ZMYND8: variants seen among roughly 807,000 people sequenced by gnomAD.
The protein encoded by ZMYND8 is zinc finger MYND-type containing 8, also known as MYND-type zinc finger-containing chromatin reader ZMYND8.
In ZMYND8, 37 loss-of-function variants were observed where a neutral mutation model predicts 140.8. The ratio of observed to expected loss-of-function variants is 0.26; its 90% CI spans 0.20 to 0.35. The LOEUF (loss-of-function observed/expected upper bound fraction) is 0.35, where lower values mean the gene tolerates loss of function less well. Among genes scored for constraint, ZMYND8 ranks in the 10% least tolerant of loss-of-function variants. The probability of loss-of-function intolerance (pLI) is 1.00; values close to 1 mark genes in which losing one functional copy is unlikely to be tolerated. For missense variants in ZMYND8, 1,068 were observed against 1,570.0 expected, an observed-to-expected ratio of 0.68 and a Z score of 5.40; for synonymous variants, 592 against 597.1, an observed-to-expected ratio of 0.99 and a Z score of 0.12.
rs774699036 is a variant in ZMYND8, at chr20:47,238,933, A to C, written c.2490T>G (p.Thr830=). The change falls in exon 15 of 23, where the codon ACT becomes ACG. Residue 830 remains threonine (T), a synonymous_variant. Transcript: ENST00000471951. ...ACACGACCCGCTGCACGGCCGGGGC[A>C]GTCTCCTTCGGTAAAAGCGGCCTCT... ...KKQRPLLPKE[T]APAVQRVVWN... is the part of the protein sequence containing the mutation. 1.1e-5 allele frequency: 18 copies of C among 1,613,938 alleles called. No individual in the cohort carries two copies. The highest frequency in any genetic ancestry group is 1.5e-5 in the Non-Finnish European group (18 of 1,179,926).
chr20:47,352,061 G>A (rs1399984472), intron 1 of ZMYND8: 34 of 953,516 alleles, frequency 3.6e-5, no homozygotes, highest in African/African-American at 5.3e-5. Context: ...CCTCAAATTA[G>A]GTGGGTAGAA....
chr20:47,318,725 C>A (rs1318862980), intron 2 of ZMYND8: 1 of 461,444 alleles, frequency 2.2e-6, no homozygotes, highest in Non-Finnish European at 4.3e-6. Flanking sequence ...GGGCTGAGCC[C>A]TCTCCTCCAG....
chr20:47,298,367 A>G lies in ZMYND8; in HGVS notation c.453+362T>C, dbSNP rs1304601007. 2.0e-6 allele frequency: 2 copies of G among 985,298 alleles called. No individual in the cohort carries two copies. The highest frequency in any genetic ancestry group is 2.4e-6 in the Non-Finnish European group (2 of 829,938). The allele number at this position is 985,298 out of a possible 1,614,324, so 61.0% of individuals were successfully genotyped here. ...ATTCAATGATGCGGCAGGCAACAAC[A>G]TCCAAGACGGAGAAAACAGAATGAG... On this transcript the variant is annotated intron_variant, in intron 4 of 22. Coordinates refer to ENST00000471951, the MANE Select transcript of ZMYND8 (RefSeq NM_001281775.3). The surrounding 1 kb of genome is among the most constrained non-coding windows in gnomAD (Gnocchi z 5.0).
chr20:47,314,054 A>G (rs1396975938), intron 2 of ZMYND8, among the ~76,000 whole-genome samples: 6 of 152,246 alleles, frequency 3.9e-5, no homozygotes, highest in South Asian at 2.1e-4. Context: ...GGATGAACAC[A>G]AAAGTACAAC....
chr20:47,336,079 T>C (rs981190398), intron 2 of ZMYND8, among the ~76,000 whole-genome samples: 7 of 152,192 alleles, frequency 4.6e-5, no homozygotes, highest in Admixed American at 3.3e-4. Flanking sequence ...TTAAAAGTGT[T>C]TGTGGTTATA....
chr20:47,288,789 T>C (rs944753774), intron 7 of ZMYND8, among the ~76,000 whole-genome samples: 1 of 152,208 alleles, frequency 6.6e-6, no homozygotes, highest in Non-Finnish European at 1.5e-5. Flanking sequence ...AAAGCAGATA[T>C]GCATATATCT....
chr20:47,240,891 A>G (rs1173020413), intron 14 of ZMYND8, among the ~76,000 whole-genome samples: 1 of 152,038 alleles, frequency 6.6e-6, no homozygotes, highest in Admixed American at 6.5e-5. Context: ...GAGTTTTGCT[A>G]TATCACCCCG....
At chr20:47,287,600 T>G (rs1355835769) in intron 7 of ZMYND8, among the ~76,000 whole-genome samples, 1 of 152,178 alleles carries the variant, frequency 6.6e-6, no homozygotes, top group Non-Finnish European at 1.5e-5. Context: ...AAAAAAGGCC[T>G]TATTCTACCC....
rs1248919117 is a variant in ZMYND8 at position 47,300,932 on chromosome 20, G to A, written c.235-1985C>T. 2.4e-5 allele frequency among the ~76,000 whole-genome samples: 3 copies of A among 122,934 alleles called. No individual in the cohort carries two copies. The East Asian group carries it at 7.2e-4, about 30-fold the overall frequency. 80.6% of individuals were successfully genotyped at this position (122,934 alleles called of 152,430 possible). A position where few individuals can be genotyped will look rare whatever the true frequency, so the allele number is the denominator to read the frequency against. On this transcript the variant is annotated intron_variant, in intron 3 of 22. Transcript: ENST00000471951. Reference sequence around the variant, plus strand: ...TGTGTGTGTGTGTGTGTGTGTGTGTGTGTTTTGTTTTGTTTTTTTTGTAGA... The same window carrying A: ...TGTGTGTGTGTGTGTGTGTGTGTGTATGTTTTGTTTTGTTTTTTTTGTAGA...
chr20:47,227,370 G>A, intron 17 of ZMYND8, 89 bp from the exon 18 acceptor site: 3 of 1,272,206 alleles, frequency 2.4e-6, no homozygotes, highest in South Asian at 2.4e-5. Flanking sequence ...GGCTGTGAGG[G>A]GTATGGGAAT....
At chr20:47,270,234 T>C (rs1198240314) in intron 11 of ZMYND8, among the ~76,000 whole-genome samples, 1 of 145,476 alleles carries the variant, frequency 6.9e-6, no homozygotes, top group African/African-American at 2.6e-5. Context: ...TGTGACCCTG[T>C]CTCTTAAAAA....
At chr20:47,222,248 GT>G in intron 19 of ZMYND8, among the ~76,000 whole-genome samples, 1 of 152,314 alleles carries the variant, frequency 6.6e-6, no homozygotes, top group East Asian at 1.9e-4. Flanking sequence ...AAAACAGGGC[GT>G]TTGGGGCCGG....
chr20:47,351,132 T>TA (rs2082746959), intron 1 of ZMYND8, among the ~76,000 whole-genome samples: 1 of 152,204 alleles, frequency 6.6e-6, no homozygotes, highest in African/African-American at 2.4e-5. Context: ...AACCTATGCT[T>TA]ACTTCTTAAC....
chr20:47,333,724 C>CAAAAAAA lies in ZMYND8; in HGVS notation c.85+14125_85+14131dup, dbSNP rs57968979. On this transcript the variant is annotated intron_variant, in intron 2 of 22. Transcript: ENST00000471951. ...CTGGTGACAGAGCGAGACTCCGTCT[C>CAAAAAAA]AAAAAAAAAAAAAAAAAAAAAAAAA... Among the ~76,000 whole-genome samples the CAAAAAAA allele has an allele frequency of 1.1e-3, 34 of 29,740 alleles. 3 individuals carry two copies. The highest frequency in any genetic ancestry group is 3.5e-3 in the African/African-American group (32 of 9,078). The allele number at this position is 29,740 out of a possible 152,430, so 19.5% of individuals were successfully genotyped here.
intron 2 of ZMYND8, among the ~76,000 whole-genome samples, chr20:47,328,266 C>T (rs1052565890): frequency 1.3e-5 from 2 of 152,118 alleles, no homozygotes; most frequent in African/African-American, 4.8e-5. Flanking sequence ...ATAGGTATTG[C>T]ATAAGTTTTT....
At chr20:47,299,594 T>G (rs1359490314) in intron 3 of ZMYND8, among the ~76,000 whole-genome samples, 2 of 152,150 alleles carry the variant, frequency 1.3e-5, no homozygotes, top group African/African-American at 4.8e-5. Context: ...CTTTTTCTTT[T>G]TTTTCAGAGA....
At chr20:47,238,284 C>T (rs922610944) in intron 15 of ZMYND8, 5 of 175,634 alleles carry the variant, frequency 2.8e-5, no homozygotes, top group African/African-American at 1.2e-4. Context: ...AAGTATGGTA[C>T]CATTTTTATG....
In ZMYND8 at chr20:47,298,509, A is replaced by G; in HGVS notation, c.453+220T>C. 1.0e-6 allele frequency: 1 copy of G among 985,462 alleles called. No individual in the cohort carries two copies. The highest frequency in any genetic ancestry group is 1.2e-6 in the Non-Finnish European group (1 of 829,940). The allele number at this position is 985,462 out of a possible 1,614,324, so 61.0% of individuals were successfully genotyped here. A position where few individuals can be genotyped will look rare whatever the true frequency, so the allele number is the denominator to read the frequency against. On this transcript the variant is annotated intron_variant, in intron 4 of 22. Transcript: ENST00000471951. The surrounding 1 kb of genome is among the most constrained non-coding windows in gnomAD (Gnocchi z 5.0). ...CCAAGGAATCCAAGGACTCATGAGAAATCAGAAATAATATTCCGTGCAATT... is the reference window on the plus strand; with the variant it reads ...CCAAGGAATCCAAGGACTCATGAGAGATCAGAAATAATATTCCGTGCAATT...
intron 2 of ZMYND8, among the ~76,000 whole-genome samples, chr20:47,316,362 A>T (rs2079399956): frequency 6.6e-6 from 1 of 150,730 alleles, no homozygotes; most frequent in Non-Finnish European, 1.5e-5. Context: ...CAAGCATATG[A>T]GGAGATCCTT....
Sources: gnomAD v4.1 joint callset for allele counts (sites outside exome capture counted in the v4.1 genomes callset) on GRCh38, gnomAD v4.1.1 for gene constraint, Gnocchi (gnomAD v3.1) non-coding constraint, MANE v1.5 for transcripts, NCBI Gene and HGNC (gene_info 2026-07-23, HGNC 2026-07-21) for gene names.